The following ARHGAP42 variants were observed in gnomAD, a reference collection of about 807,000 sequenced individuals.
ARHGAP42 encodes the protein Rho GTPase activating protein 42, also known as rho GTPase-activating protein 42.
A neutral mutation model predicts 125.0 loss-of-function variants in ARHGAP42; 63 were observed. The observed-to-expected ratio is 0.50, with a 90% CI of 0.41 to 0.62. The LOEUF (loss-of-function observed/expected upper bound fraction) is 0.62, where lower values mean the gene tolerates loss of function less well. ARHGAP42 is among the 20% of genes least tolerant of loss of function. The pLI, the probability that ARHGAP42 is intolerant of heterozygous loss-of-function variation, is 0.00. For missense variants in ARHGAP42, 766 were observed against 1,024.2 expected, an observed-to-expected ratio of 0.75 and a Z score of 3.44; for synonymous variants, 339 against 351.0, an observed-to-expected ratio of 0.97 and a Z score of 0.38.
chr11:100,696,535 A>T (rs1001411850), intron 1 of ARHGAP42, among the ~76,000 whole-genome samples: 3 of 151,954 alleles, frequency 2.0e-5, no homozygotes, highest in Non-Finnish European at 4.4e-5. Context: ...TTGTCTTTTT[A>T]GTAGAGATGG....
intron 12 of ARHGAP42, among the ~76,000 whole-genome samples, chr11:100,958,248 G>T (rs1406546974): frequency 6.6e-6 from 1 of 150,702 alleles, no homozygotes; most frequent in East Asian, 2.0e-4. Context: ...GGGCATTTTG[G>T]GGTTATTGGA....
intron 4 of ARHGAP42, among the ~76,000 whole-genome samples, chr11:100,893,502 T>G (rs906379674): frequency 2.0e-5 from 3 of 152,138 alleles, no homozygotes; most frequent in Non-Finnish European, 2.9e-5. Flanking sequence ...TAAATAAGAC[T>G]GAAGGTGAGG....
At chr11:100,987,442 A>G in intron 22 of ARHGAP42, 71 bp from the exon 23 acceptor site, 1 of 1,243,266 alleles carries the variant, frequency 8.0e-7, no homozygotes, top group Non-Finnish European at 1.1e-6. Context: ...AGCATTCTTG[A>G]AGAAGAGTTT....
chr11:100,807,721 C>A (rs1864031759), intron 3 of ARHGAP42, among the ~76,000 whole-genome samples: 1 of 152,182 alleles, frequency 6.6e-6, no homozygotes, highest in Admixed American at 6.5e-5. Flanking sequence ...TGATCTCTTT[C>A]CTCGCATCTC....
intron 1 of ARHGAP42, among the ~76,000 whole-genome samples, chr11:100,722,235 T>G (rs930978493): frequency 1.3e-5 from 2 of 152,158 alleles, no homozygotes; most frequent in African/African-American, 2.4e-5. Flanking sequence ...TTGCCATCCT[T>G]ATGTATTCTT....
chr11:100,724,846 A>AT (rs1403200599), intron 1 of ARHGAP42, among the ~76,000 whole-genome samples: 2 of 133,868 alleles, frequency 1.5e-5, no homozygotes, highest in Admixed American at 1.5e-4. Flanking sequence ...CTTTTTTTTT[A>AT]TTTTTTTGCT....
chr11:100,862,710 C>G (rs1865472065), intron 4 of ARHGAP42, among the ~76,000 whole-genome samples: 4 of 152,052 alleles, frequency 2.6e-5, no homozygotes, highest in Admixed American at 2.6e-4. Flanking sequence ...GTAGTTCTTG[C>G]TTAGTAAAGT....
intron 23 of ARHGAP42, 85 bp downstream of exon 23, chr11:100,987,677 GC>G: frequency 7.9e-7 from 1 of 1,266,062 alleles, no homozygotes; most frequent in Non-Finnish European, 1.1e-6. Flanking sequence ...TAAAGTAGAA[GC>G]CAGAAGCCTC....
intron 3 of ARHGAP42, among the ~76,000 whole-genome samples, chr11:100,808,384 A>T (rs1864049867): frequency 6.6e-6 from 1 of 151,022 alleles, no homozygotes; most frequent in Non-Finnish European, 1.5e-5. Flanking sequence ...TGGGATAATT[A>T]TAAATTCACT....
intron 4 of ARHGAP42, among the ~76,000 whole-genome samples, chr11:100,877,414 C>T (rs1382673930): frequency 3.9e-5 from 6 of 152,176 alleles, no homozygotes; most frequent in Admixed American, 1.3e-4. Flanking sequence ...TACTATACTT[C>T]TTTGCTCATG....
At chr11:100,761,642 G>C (rs1029917724) in intron 1 of ARHGAP42, among the ~76,000 whole-genome samples, 1 of 152,000 alleles carries the variant, frequency 6.6e-6, no homozygotes, top group African/African-American at 2.4e-5. Context: ...ATCATTTATG[G>C]GATTACAAAC....
intron 17 of ARHGAP42, among the ~76,000 whole-genome samples, chr11:100,971,161 T>C (rs1858234644): frequency 6.6e-6 from 1 of 152,134 alleles, no homozygotes; most frequent in Non-Finnish European, 1.5e-5. Flanking sequence ...TAGATTTGCT[T>C]GAACAAATAT....
At chr11:100,721,518 C>T (rs753337459) in intron 1 of ARHGAP42, among the ~76,000 whole-genome samples, 6 of 151,308 alleles carry the variant, frequency 4.0e-5, no homozygotes, top group Non-Finnish European at 7.4e-5. Context: ...TGTCACCCAG[C>T]CTGGAGTGCA....
Position 100,964,353 on chromosome 11 carries a change from T to C in ARHGAP42, c.1445-1318T>C, listed in dbSNP as rs376498593. ...ATTCTCACTTTCCTTCCCAGTCAGA[T>C]TTTCTTGGAGTAGATTTGGTCACTT... On this transcript the variant is annotated intron_variant, in intron 16 of 23. Coordinates refer to ENST00000298815, the MANE Select transcript of ARHGAP42 (RefSeq NM_152432.4). 2.0e-5 allele frequency among the ~76,000 whole-genome samples: 3 copies of C among 152,310 alleles called. No homozygotes were observed. The East Asian group carries it at 5.8e-4, about 29-fold the overall frequency.
chr11:100,712,534 C>T (rs527276874), intron 1 of ARHGAP42, among the ~76,000 whole-genome samples: 6 of 152,244 alleles, frequency 3.9e-5, no homozygotes, highest in African/African-American at 1.2e-4. Context: ...CCCTTCTCCC[C>T]CCAGAAGTGG....
intron 17 of ARHGAP42, among the ~76,000 whole-genome samples, chr11:100,970,571 T>A (rs1167387078): frequency 6.6e-6 from 1 of 151,722 alleles, no homozygotes; most frequent in Non-Finnish European, 1.5e-5. Context: ...TCCAGCTCCT[T>A]GCCAGGTCAC....
intron 4 of ARHGAP42, among the ~76,000 whole-genome samples, chr11:100,884,650 A>G (rs1446584334): frequency 6.6e-6 from 1 of 152,200 alleles, no homozygotes; most frequent in Non-Finnish European, 1.5e-5. Context: ...CCTGATATTT[A>G]GTTCAGCTGC....
intron 3 of ARHGAP42, among the ~76,000 whole-genome samples, chr11:100,833,706 G>C (rs1200030196): frequency 6.6e-6 from 1 of 152,140 alleles, no homozygotes; most frequent in Non-Finnish European, 1.5e-5. Flanking sequence ...GTTAGGAAGA[G>C]CCTGACTTAT....
intron 1 of ARHGAP42, among the ~76,000 whole-genome samples, chr11:100,749,828 T>C (rs545285366): frequency 1.8e-4 from 27 of 152,190 alleles, no homozygotes; most frequent in Non-Finnish European, 3.1e-4. Context: ...CCACACACAT[T>C]TAGCCCTCTA....
Sources: allele counts gnomAD v4.1 joint callset (sites outside exome capture counted in the v4.1 genomes callset), GRCh38; gene constraint gnomAD v4.1.1; transcripts MANE v1.5; gene names NCBI Gene and HGNC (gene_info 2026-07-23, HGNC 2026-07-21).